RASGRP4: variants seen among roughly 807,000 people sequenced by gnomAD.
RASGRP4 encodes RAS guanyl-releasing protein 4.
Under a neutral mutation model 84.4 loss-of-function variants are expected in RASGRP4, and 52 were observed. The ratio of observed to expected loss-of-function variants is 0.62; its 90% CI spans 0.49 to 0.78. The LOEUF (loss-of-function observed/expected upper bound fraction) is 0.78. RASGRP4 is among the 30% of genes least tolerant of loss of function. The pLI, the probability that RASGRP4 is intolerant of heterozygous loss-of-function variation, is 0.00. For synonymous variants in RASGRP4, 356 were observed against 359.1 expected (o/e 0.99, Z 0.10); for missense variants, 760 against 886.9 (o/e 0.86, Z 1.82).
At chr19:38,421,056 C>T (rs773328939) in intron 3 of RASGRP4, 39 bp downstream of exon 3, 2 of 1,607,320 alleles carry the variant, frequency 1.2e-6, no homozygotes, top group African/African-American at 2.7e-5. Context: ...CGACTCTGCC[C>T]TCTGCCCTCC....
chr19:38,410,935 T>C lies in RASGRP4; in HGVS notation c.1916A>G (p.His639Arg). The C allele has an allele frequency of 6.2e-7, 1 of 1,604,970 alleles. No individual in the cohort carries two copies. Among genetic ancestry groups the C allele is most frequent in the Non-Finnish European group, 8.5e-7 (1 of 1,175,820 alleles). ...LEPETGCQLR[H>R]AWTQTESPHP... ...TGGGGATTCAGTCTGGGTCCAGGCA[T>C]GGCGAAGCTGGCACCCAGTCTCAGG... The change falls in exon 16 of 17, where the codon CAT becomes CGT. Residue 639 changes from histidine (H) to arginine (R), a missense_variant. By Grantham distance (29) the His-to-Arg change is conservative. Transcript: ENST00000615439.
intron 16 of RASGRP4, among the ~76,000 whole-genome samples, chr19:38,410,555 G>A (rs1180957580): frequency 6.6e-6 from 1 of 151,838 alleles, no homozygotes; most frequent in Non-Finnish European, 1.5e-5. Flanking sequence ...TGGGACTACA[G>A]GCACCCGCCA....
chr19:38,410,372 T>A (rs1281293108), intron 16 of RASGRP4, among the ~76,000 whole-genome samples: 1 of 152,036 alleles, frequency 6.6e-6, no homozygotes, highest in Non-Finnish European at 1.5e-5. Flanking sequence ...CTAGTGGTTA[T>A]TGTCCCCACC....
Position 38,426,058 on chromosome 19 carries a change from G to T in RASGRP4, c.23+11C>A, listed in dbSNP as rs754954512. ...GGGTGCTGCCGGGCTCCCTGGGGAG[G>T]GTCCTCTCACCTCTTACTGTCTTTT... On this transcript the variant is annotated intron_variant, in intron 1 of 16. Coordinates refer to ENST00000615439, the MANE Select transcript of RASGRP4 (RefSeq NM_170604.3). 7.3e-7 allele frequency: 1 copy of T among 1,366,888 alleles called. No individual in the cohort carries two copies. Among genetic ancestry groups the T allele is most frequent in the Non-Finnish European group, 9.5e-7 (1 of 1,050,588 alleles). The allele number at this position is 1,366,888 out of a possible 1,614,324, so 84.7% of individuals were successfully genotyped here.
chr19:38,410,962 TC>T lies in RASGRP4; in HGVS notation c.1888del (p.Glu630SerfsTer31), dbSNP rs1209510367. 1 of 1,603,010 alleles carries T rather than the reference TC, an allele frequency of 6.2e-7. No homozygotes were observed. Among genetic ancestry groups the T allele is most frequent in the South Asian group, 1.1e-5 (1 of 88,982 alleles). ...EENHSYTLSL[E>X]PETGCQLRHA... ...GCGAAGCTGGCACCCAGTCTCAGGC[TC>T]CAGGGATAGCGTGTAGGAGTGATTT... On this transcript the variant is annotated frameshift_variant, in exon 16 of 17. Transcript: ENST00000615439. LOFTEE classifies it high-confidence loss of function.
intron 6 of RASGRP4, among the ~76,000 whole-genome samples, chr19:38,419,100 C>T (rs1401903953): frequency 6.6e-6 from 1 of 152,138 alleles, no homozygotes; most frequent in Non-Finnish European, 1.5e-5. Context: ...CACATACAAT[C>T]GGGACAGTTT....
At chr19:38,422,202 G>C in intron 1 of RASGRP4, 49 bp from the exon 2 acceptor site, 1 of 1,524,988 alleles carries the variant, frequency 6.6e-7, no homozygotes, top group Non-Finnish European at 8.8e-7. Flanking sequence ...CTTTCGGACA[G>C]ACCCTAGAAT....
chr19:38,421,989 T>C lies in RASGRP4; in HGVS notation c.188A>G (p.Glu63Gly). Reference sequence around the variant, plus strand: ...CTTACCGAAGGACTGGATGCATTTCTCCAGCAGCTCATCTTCGCTGCAGCC... The same window carrying C: ...CTTACCGAAGGACTGGATGCATTTCCCCAGCAGCTCATCTTCGCTGCAGCC... ...EGGCSEDELL[E>G]KCIQSFDSAG... The change falls in exon 2 of 17, where the codon GAG becomes GGG. Residue 63 changes from glutamate to glycine, a missense_variant. Glu to Gly is a moderately conservative substitution (Grantham distance 98). Transcript: ENST00000615439. 1 of 1,612,370 alleles carries C rather than the reference T, an allele frequency of 6.2e-7. No homozygotes were observed. Among genetic ancestry groups the C allele is most frequent in the Non-Finnish European group, 8.5e-7 (1 of 1,179,344 alleles).
At chr19:38,421,589 G>A (rs112233324) in intron 2 of RASGRP4, among the ~76,000 whole-genome samples, 5,482 of 152,090 alleles carry the variant, frequency 0.036, 322 homozygotes, top group African/African-American at 0.12. Flanking sequence ...GCATGTGCCT[G>A]TAATCCTAGC....
At position 38,412,880 on chromosome 19, in the gene RASGRP4, G is replaced by A; in HGVS notation, c.1535+51C>T. ...ACGTCCTCCAGACCCAGGAGTCCAG[G>A]CAACCCCAGTGTCCTCATCTTCGGA... is the stretch of plus-strand genomic sequence containing the variant. On this transcript the variant is annotated intron_variant, in intron 12 of 16. Transcript: ENST00000615439. This position sits in a 1 kb window ranked among gnomAD's most constrained non-coding sequence, Gnocchi z 4.6. The A allele has an allele frequency of 9.9e-6, 16 of 1,613,096 alleles. 1 individual carries two copies. Among genetic ancestry groups the A allele is most frequent in the Middle Eastern group, 1.7e-4 (1 of 6,052 alleles).
intron 8 of RASGRP4, 135 bp downstream of exon 8, chr19:38,416,917 T>G (rs1600561785): frequency 3.1e-6 from 2 of 637,366 alleles, no homozygotes; most frequent in East Asian, 2.8e-5. Context: ...AGCCTGGGGG[T>G]CTGGGATTTG....
At position 38,409,143 on chromosome 19, in the gene RASGRP4, T is replaced by TG. The variant is rs34348646; in HGVS notation, c.*896dup. 1.0e-4 allele frequency: 26 copies of TG among 260,548 alleles called. No homozygotes were observed. Among genetic ancestry groups the TG allele is most frequent in the Admixed American group, 2.1e-4 (4 of 19,300 alleles). The allele number at this position is 260,548 out of a possible 1,614,324, so 16.1% of individuals were successfully genotyped here. ...GGGGTGTTGGGGTTTGTGAAGGGGT[T>TG]GGGGGGGTCTCTGCTCCCTGGGACT... On this transcript the variant is annotated 3_prime_UTR_variant, in exon 17 of 17. Transcript: ENST00000615439.
intron 16 of RASGRP4, 146 bp from the exon 17 acceptor site, chr19:38,410,242 C>T: frequency 1.7e-6 from 1 of 601,900 alleles, no homozygotes; most frequent in Non-Finnish European, 2.9e-6. Context: ...TTTTGTAACC[C>T]AATCTGAGAG....
chr19:38,415,299 C>A (rs73540346), intron 8 of RASGRP4, among the ~76,000 whole-genome samples, 176 bp from the exon 9 acceptor site: 3,687 of 152,192 alleles, frequency 0.024, 137 homozygotes, highest in African/African-American at 0.084. Flanking sequence ...CTCTTGGGTC[C>A]CCATCTCAGA....
Position 38,409,800 on chromosome 19 carries a change from CAA to C in RASGRP4, c.*238_*239del. ...AATGAGGCCTGAGTCTAAATGTATC[CAA>C]CACACAGCCGCACAGATACTAAGTG... On this transcript the variant is annotated 3_prime_UTR_variant, in exon 17 of 17. Coordinates refer to ENST00000615439, the MANE Select transcript of RASGRP4 (RefSeq NM_170604.3). 1 of 403,564 alleles carries C rather than the reference CAA, an allele frequency of 2.5e-6. No homozygotes were observed. The highest frequency in any genetic ancestry group is 4.3e-5 in the South Asian group (1 of 23,240). 25.0% of individuals were successfully genotyped at this position (403,564 alleles called of 1,614,324 possible).
intron 13 of RASGRP4, 74 bp from the exon 14 acceptor site, chr19:38,411,455 G>A (rs1041364953): frequency 3.3e-5 from 43 of 1,319,642 alleles, no homozygotes; most frequent in African/African-American, 6.0e-5. Context: ...CAGCTGGGGA[G>A]TGGAAGTGTG....
chr19:38,423,325 GACC>G (rs1406425932), intron 1 of RASGRP4, among the ~76,000 whole-genome samples: 2 of 152,076 alleles, frequency 1.3e-5, no homozygotes, highest in Admixed American at 1.3e-4. Context: ...AGGAGTTCGA[GACC>G]ACCCCGGCCA....
rs1285744194 is a variant in RASGRP4 at position 38,413,302 on chromosome 19, G to A, written c.1312-5C>T. ...TGCATTGAAGGGGGAGGGTGGCTGGGGCGGGGACAGAGGAGCACAGTTAGT... is the reference window on the plus strand; with the variant it reads ...TGCATTGAAGGGGGAGGGTGGCTGGAGCGGGGACAGAGGAGCACAGTTAGT... On this transcript the variant is annotated splice_polypyrimidine_tract_variant and splice_region_variant and intron_variant, in intron 10 of 16. Coordinates refer to ENST00000615439, the MANE Select transcript of RASGRP4 (RefSeq NM_170604.3). The surrounding 1 kb of genome is among the most constrained non-coding windows in gnomAD (Gnocchi z 4.7). The A allele has an allele frequency of 6.2e-7, 1 of 1,612,670 alleles. No homozygotes were observed. The highest frequency in any genetic ancestry group is 8.5e-7 in the Non-Finnish European group (1 of 1,178,970).
rs1358244985 is a variant in RASGRP4 at position 38,417,304 on chromosome 19, G to A, written c.838-136C>T. 3 of 656,304 alleles carry A rather than the reference G, an allele frequency of 4.6e-6. No homozygotes were observed. Among genetic ancestry groups the A allele is most frequent in the African/African-American group, 1.8e-5 (1 of 56,272 alleles). The allele number at this position is 656,304 out of a possible 1,614,324, so 40.7% of individuals were successfully genotyped here. ...GGGGATCAGACAGGTGAGAGAAGGC[G>A]GGTGTGTGCGGCAAGAGTGGGACAT... On this transcript the variant is annotated intron_variant, in intron 7 of 16. Coordinates refer to ENST00000615439, the MANE Select transcript of RASGRP4 (RefSeq NM_170604.3). The surrounding 1 kb of genome is among the most constrained non-coding windows in gnomAD (Gnocchi z 5.1).
Sources: gnomAD v4.1 joint callset for allele counts (sites outside exome capture counted in the v4.1 genomes callset) on GRCh38, gnomAD v4.1.1 for gene constraint, Gnocchi (gnomAD v3.1) non-coding constraint, MANE v1.5 for transcripts, NCBI Gene and HGNC (gene_info 2026-07-23, HGNC 2026-07-21) for gene names.